SRSF4: variants seen among roughly 807,000 people sequenced by gnomAD.
SRSF4 encodes the protein serine/arginine-rich splicing factor 4.
Under a neutral mutation model 48.8 loss-of-function variants are expected in SRSF4, and 12 were observed. The ratio of observed to expected loss-of-function variants is 0.25; its 90% CI spans 0.16 to 0.40. SRSF4 has a LOEUF of 0.40. Among genes scored for constraint, SRSF4 ranks in the 10% least tolerant of loss-of-function variants. The pLI is 1.00. For missense variants in SRSF4, 466 were observed against 667.1 expected (o/e 0.70, Z 3.32); for synonymous variants, 248 against 232.5 (o/e 1.07, Z -0.61).
Position 29,160,386 on chromosome 1 carries a change from C to T in SRSF4, c.239G>A (p.Gly80Asp). The T allele has an allele frequency of 6.2e-7, 1 of 1,613,398 alleles. No individual in the cohort carries two copies. The highest frequency in any genetic ancestry group is 8.5e-7 in the Non-Finnish European group (1 of 1,179,762). The change falls in exon 2 of 6, where the codon GGT becomes GAT. Residue 80 changes from glycine (G) to aspartate (D), a missense_variant. Physicochemically the swap from Gly to Asp is moderately conservative, Grantham distance 94. Coordinates refer to ENST00000373795, the MANE Select transcript of SRSF4 (RefSeq NM_005626.5). ...ARGPRRDGSY[G>D]SGRSGYGYRR... ...CTTTGAATGCTTACTGCGTCCAGAA[C>T]CGTAACTGCCATCTCGCCGTGGGCC...
chr1:29,152,637 C>T (rs766211244), intron 4 of SRSF4, among the ~76,000 whole-genome samples: 4 of 152,000 alleles, frequency 2.6e-5, no homozygotes, highest in Non-Finnish European at 5.9e-5. Flanking sequence ...GGCATTTTCT[C>T]GACGGGCACG....
chr1:29,160,569 C>T (rs1574194591), intron 1 of SRSF4, 52 bp from the exon 2 acceptor site: 1 of 1,544,206 alleles, frequency 6.5e-7, no homozygotes, highest in Non-Finnish European at 8.7e-7. Flanking sequence ...CATCCAGCTT[C>T]ACTAACATTA....
At chr1:29,154,504 G>A (rs1314680477) in intron 4 of SRSF4, 192 bp downstream of exon 4, 7 of 608,962 alleles carry the variant, frequency 1.1e-5, no homozygotes, top group South Asian at 2.2e-5. Flanking sequence ...TCTAAGAGAA[G>A]GGACTTCTAT....
chr1:29,155,968 A>G (rs752666042), intron 3 of SRSF4, among the ~76,000 whole-genome samples: 3 of 152,162 alleles, frequency 2.0e-5, no homozygotes, highest in Non-Finnish European at 4.4e-5. Flanking sequence ...TATGATTAGG[A>G]GGTTGCAGTG....
At chr1:29,167,574 G>A (rs914383499) in intron 1 of SRSF4, among the ~76,000 whole-genome samples, 26 of 152,138 alleles carry the variant, frequency 1.7e-4, no homozygotes, top group African/African-American at 6.0e-4. Flanking sequence ...TAGTGGAGAC[G>A]GGGTTTCACC....
chr1:29,174,627 A>T (rs150031475), intron 1 of SRSF4, among the ~76,000 whole-genome samples: 168 of 151,546 alleles, frequency 1.1e-3, no homozygotes, highest in African/African-American at 3.9e-3. Flanking sequence ...GAAAAAAAAA[A>T]GGAGTCAGGA....
intron 3 of SRSF4, among the ~76,000 whole-genome samples, chr1:29,157,689 C>T (rs1672521430): frequency 6.6e-6 from 1 of 152,122 alleles, no homozygotes; most frequent in Admixed American, 6.5e-5. Context: ...TAAAGGATTC[C>T]TAACTATTCT....
chr1:29,151,702 G>C (rs1672410117), intron 4 of SRSF4, among the ~76,000 whole-genome samples: 1 of 152,200 alleles, frequency 6.6e-6, no homozygotes. Context: ...TTAGTAATTA[G>C]ATGGAATTAC....
intron 1 of SRSF4, among the ~76,000 whole-genome samples, chr1:29,164,189 C>T (rs1278145526): frequency 6.6e-6 from 1 of 152,162 alleles, no homozygotes; most frequent in Non-Finnish European, 1.5e-5. Context: ...TTTGACATGC[C>T]TGCACTAGGA....
At chr1:29,154,111 T>C (rs766301352) in intron 4 of SRSF4, among the ~76,000 whole-genome samples, 1 of 152,070 alleles carries the variant, frequency 6.6e-6, no homozygotes, top group South Asian at 2.1e-4. Flanking sequence ...TGGAGTGCAA[T>C]GGCACAATCT....
At chr1:29,175,539 C>A (rs909344110) in intron 1 of SRSF4, among the ~76,000 whole-genome samples, 11 of 148,070 alleles carry the variant, frequency 7.4e-5, no homozygotes, top group African/African-American at 2.7e-4. Context: ...ACTAAAAATA[C>A]AAAAAATTAG....
rs367996406 is a variant in SRSF4, at chr1:29,181,601, T to C, written c.107+45A>G. 4.0e-6 allele frequency: 6 copies of C among 1,513,352 alleles called. No individual in the cohort carries two copies. In the African/African-American group the frequency reaches 7.2e-5, roughly 18 times the overall value. 93.7% of individuals were successfully genotyped at this position (1,513,352 alleles called of 1,614,324 possible). ...GTCCCCGCGGCCTCCCCACCACCTA[T>C]GGGGTCTGTCCCCGCCCGGCCGGAC... On this transcript the variant is annotated intron_variant, in intron 1 of 5. Coordinates refer to ENST00000373795, the MANE Select transcript of SRSF4 (RefSeq NM_005626.5).
intron 1 of SRSF4, chr1:29,172,681 G>A (rs371513755): frequency 2.0e-5 from 3 of 152,162 alleles, no homozygotes. Context: ...AACTGGTGTA[G>A]CTTTTCTGGA....
At chr1:29,157,604 T>C (rs766863584) in intron 3 of SRSF4, among the ~76,000 whole-genome samples, 21 of 152,162 alleles carry the variant, frequency 1.4e-4, no homozygotes, top group Non-Finnish European at 2.5e-4. Context: ...CTCTTCTGCA[T>C]GTTACTTGAA....
intron 3 of SRSF4, among the ~76,000 whole-genome samples, chr1:29,156,105 A>T (rs144528971): frequency 9.5e-4 from 145 of 152,316 alleles, no homozygotes; most frequent in African/African-American, 2.8e-3. Context: ...CTGTAATCCC[A>T]ACACCTTGGG....
chr1:29,173,740 G>A (rs1396845555), intron 1 of SRSF4, among the ~76,000 whole-genome samples: 4 of 151,240 alleles, frequency 2.6e-5, no homozygotes, highest in Admixed American at 1.3e-4. Context: ...GTGAGCCACC[G>A]CACCTGGTCC....
At position 29,155,101 on chromosome 1, in the gene SRSF4, G is replaced by A. The variant is rs376860651; in HGVS notation, c.364-191C>T. ...AGCACCAGCCATATTAGGTGGGTGG[G>A]AGAGACAATAAATACACATTAAATT... is the stretch of plus-strand genomic sequence containing the variant. On this transcript the variant is annotated intron_variant, in intron 3 of 5. Transcript: ENST00000373795. 8.5e-5 allele frequency among the ~76,000 whole-genome samples: 13 copies of A among 152,156 alleles called. No individual in the cohort carries two copies. In the East Asian group the frequency reaches 1.2e-3, roughly 14 times the overall value.
At position 29,148,212 on chromosome 1, in the gene SRSF4, T is replaced by C; in HGVS notation, c.*198A>G. The C allele has an allele frequency of 1.3e-6, 1 of 799,116 alleles. No homozygotes were observed. The highest frequency in any genetic ancestry group is 2.7e-5 in the East Asian group (1 of 36,720). The allele number at this position is 799,116 out of a possible 1,614,324, so 49.5% of individuals were successfully genotyped here. On this transcript the variant is annotated 3_prime_UTR_variant, in exon 6 of 6. Transcript: ENST00000373795. Reference sequence around the variant, plus strand: ...TAAAAGGGGATTTTCAAAGAGAAAATTTTTTTCAGTCGAGCAGGAAGGCCT... The same window carrying C: ...TAAAAGGGGATTTTCAAAGAGAAAACTTTTTTCAGTCGAGCAGGAAGGCCT...
chr1:29,173,864 A>G (rs1252325252), intron 1 of SRSF4, among the ~76,000 whole-genome samples: 1 of 152,026 alleles, frequency 6.6e-6, no homozygotes, highest in African/African-American at 2.4e-5. Context: ...AATTAGTTTA[A>G]AAAATTATAA....
Sources: gnomAD v4.1 joint callset for allele counts (sites outside exome capture counted in the v4.1 genomes callset) on GRCh38, gnomAD v4.1.1 for gene constraint, MANE v1.5 for transcripts, NCBI Gene and HGNC (gene_info 2026-07-23, HGNC 2026-07-21) for gene names.